CEP128: variants seen among roughly 807,000 people sequenced by gnomAD.
CEP128 encodes centrosomal protein 128, also known as centrosomal protein 128kDa.
CEP128 carries 132 observed loss-of-function variants against 156.7 expected under a neutral mutation model. The observed-to-expected ratio is 0.84, with a 90% confidence interval of 0.73 to 0.97. The LOEUF (loss-of-function observed/expected upper bound fraction) is 0.97, where lower values mean the gene tolerates loss of function less well. Among genes scored for constraint, CEP128 ranks in the 50% least tolerant of loss-of-function variants. The pLI is 0.00. For synonymous variants in CEP128, 469 were observed against 448.9 expected, an observed-to-expected ratio of 1.04 and a Z score of -0.57; for missense variants, 1,252 against 1,281.9, an observed-to-expected ratio of 0.98 and a Z score of 0.36.
In CEP128 at chr14:80,644,775, A is replaced by G. The variant is rs531765758; in HGVS notation, c.2807-64352T>C. On this transcript the variant is annotated intron_variant, in intron 19 of 24. Coordinates refer to ENST00000555265, the MANE Select transcript of CEP128 (RefSeq NM_152446.5). ...AAGTAAAAGAATTTGAGTCATGACA[A>G]CTGGCCTTAATGTTTAATGTGGATT... Among the ~76,000 whole-genome samples the G allele has an allele frequency of 2.9e-4, 44 of 152,306 alleles. No homozygotes were observed. In the South Asian group the frequency reaches 2.9e-3, roughly 10 times the overall value.
At chr14:80,812,393 G>A (rs1015737548) in intron 13 of CEP128, among the ~76,000 whole-genome samples, 3 of 152,176 alleles carry the variant, frequency 2.0e-5, no homozygotes, top group African/African-American at 7.2e-5. Context: ...ATGGTAGAAA[G>A]CCTCATATTC....
intron 21 of CEP128, among the ~76,000 whole-genome samples, chr14:80,555,254 C>G (rs1566777143): frequency 6.6e-6 from 1 of 152,142 alleles, no homozygotes; most frequent in Non-Finnish European, 1.5e-5. Flanking sequence ...TAGTTTTTGC[C>G]TAGCACATCT....
chr14:80,601,364 T>C (rs1025485003), intron 19 of CEP128, among the ~76,000 whole-genome samples: 1 of 152,192 alleles, frequency 6.6e-6, no homozygotes, highest in African/African-American at 2.4e-5. Context: ...TCCAATCTTT[T>C]GGCTTCCCTG....
At chr14:80,754,500 G>A (rs1434875076) in intron 18 of CEP128, among the ~76,000 whole-genome samples, 1 of 122,264 alleles carries the variant, frequency 8.2e-6, no homozygotes, top group Non-Finnish European at 1.6e-5. Flanking sequence ...GTCTTGCTCT[G>A]TCACCAGAAT....
intron 19 of CEP128, among the ~76,000 whole-genome samples, chr14:80,666,130 G>A (rs1188174721): frequency 6.6e-6 from 1 of 152,150 alleles, no homozygotes; most frequent in African/African-American, 2.4e-5. Flanking sequence ...TAGTTAAAAT[G>A]AGCTGCAGAG....
rs76966560 is a variant in CEP128, at chr14:80,731,705, G to A, written c.2806+11370C>T. ...AGGAGAGCATGCACATCAAAATCTC[G>A]GTAAATACTATGAGGGAGAACTTCA... On this transcript the variant is annotated intron_variant, in intron 19 of 24. Coordinates refer to ENST00000555265, the MANE Select transcript of CEP128 (RefSeq NM_152446.5). Among the ~76,000 whole-genome samples the A allele has an allele frequency of 1.5e-3, 227 of 152,082 alleles. 3 individuals are homozygous for A. In the East Asian group the frequency reaches 0.039, roughly 26 times the overall value.
chr14:80,752,921 AT>A (rs1487851065), intron 18 of CEP128, among the ~76,000 whole-genome samples: 1 of 152,240 alleles, frequency 6.6e-6, no homozygotes, highest in Non-Finnish European at 1.5e-5. Context: ...ATACTATACT[AT>A]AAAAAGTGTA....
intron 15 of CEP128, among the ~76,000 whole-genome samples, chr14:80,782,340 C>A (rs529566711): frequency 2.0e-5 from 3 of 152,300 alleles, no homozygotes; most frequent in Admixed American, 2.0e-4. Flanking sequence ...TCTGAAAATT[C>A]TTATATTGCA....
chr14:80,815,625 A>G (rs1390317315), intron 13 of CEP128, among the ~76,000 whole-genome samples: 1 of 152,230 alleles, frequency 6.6e-6, no homozygotes, highest in Admixed American at 6.5e-5. Context: ...TTGTATGTTT[A>G]TTGCAGCACT....
intron 8 of CEP128, among the ~76,000 whole-genome samples, chr14:80,870,073 C>T (rs945409954): frequency 6.6e-6 from 1 of 151,912 alleles, no homozygotes; most frequent in Non-Finnish European, 1.5e-5. Flanking sequence ...TCCAAACAAA[C>T]CAATAATGAG....
At chr14:80,874,438 T>G (rs2139276849) in intron 8 of CEP128, among the ~76,000 whole-genome samples, 1 of 150,960 alleles carries the variant, frequency 6.6e-6, no homozygotes, top group African/African-American at 2.4e-5. Context: ...CACCCCAGCC[T>G]GGGTGACAGA....
chr14:80,716,567 A>G (rs980941982), intron 19 of CEP128, among the ~76,000 whole-genome samples: 6 of 152,202 alleles, frequency 3.9e-5, no homozygotes, highest in African/African-American at 1.4e-4. Flanking sequence ...CATGTAGTAA[A>G]ATTTATTAAT....
intron 19 of CEP128, among the ~76,000 whole-genome samples, chr14:80,611,353 G>T (rs1270055685): frequency 1.3e-5 from 2 of 149,008 alleles, no homozygotes; most frequent in African/African-American, 5.0e-5. Context: ...AAAAATCTAA[G>T]GTCATTTTGA....
intron 19 of CEP128, 72 bp downstream of exon 19, chr14:80,743,002 GT>G: frequency 5.8e-6 from 8 of 1,376,490 alleles, no homozygotes; most frequent in South Asian, 2.4e-5. Context: ...ACAGAAGTAG[GT>G]TTTTTTCCAA....
At chr14:80,482,272 C>T (rs1160629991) in intron 14 of CEP128, among the ~76,000 whole-genome samples, 2 of 152,164 alleles carry the variant, frequency 1.3e-5, no homozygotes, top group East Asian at 1.9e-4. Context: ...ATGTTTAGTA[C>T]GTTGGATAAC....
At chr14:80,632,732 T>C (rs1281488994) in intron 19 of CEP128, among the ~76,000 whole-genome samples, 5 of 152,150 alleles carry the variant, frequency 3.3e-5, no homozygotes, top group Non-Finnish European at 5.9e-5. Flanking sequence ...ACTACTTATG[T>C]GCATATCTCC....
At chr14:80,712,943 T>A (rs1468588765) in intron 19 of CEP128, among the ~76,000 whole-genome samples, 1 of 152,090 alleles carries the variant, frequency 6.6e-6, no homozygotes, top group Admixed American at 6.6e-5. Flanking sequence ...ATCTGTAAAA[T>A]ACTAGGTTGA....
intron 19 of CEP128, among the ~76,000 whole-genome samples, chr14:80,609,066 A>G (rs569346285): frequency 1.3e-5 from 2 of 152,308 alleles, no homozygotes; most frequent in South Asian, 4.1e-4. Flanking sequence ...CTGAACCATG[A>G]CTTGGGACTA....
At chr14:80,551,100 T>C (rs1205011889) in intron 21 of CEP128, among the ~76,000 whole-genome samples, 1 of 152,182 alleles carries the variant, frequency 6.6e-6, no homozygotes, top group Admixed American at 6.5e-5. Context: ...CATAGTGATC[T>C]GTCATCAAAA....
Sources: allele counts gnomAD v4.1 joint callset (sites outside exome capture counted in the v4.1 genomes callset), GRCh38; gene constraint gnomAD v4.1.1; transcripts MANE v1.5; gene names NCBI Gene and HGNC (gene_info 2026-07-23, HGNC 2026-07-21).